Variants in AGTPBP1 observed in about 807,000 individuals in gnomAD.
The protein encoded by AGTPBP1 is cytosolic carboxypeptidase 1.
AGTPBP1 carries 70 observed loss-of-function variants against 143.9 expected under a neutral mutation model. The observed-to-expected ratio is 0.49, with a 90% CI of 0.40 to 0.59. The LOEUF (loss-of-function observed/expected upper bound fraction) is 0.59. AGTPBP1 is among the 20% of genes least tolerant of loss of function. The pLI, the probability that AGTPBP1 is intolerant of heterozygous loss-of-function variation, is 0.00. For missense variants in AGTPBP1, 1,229 were observed against 1,464.5 expected, an observed-to-expected ratio of 0.84 and a Z score of 2.62; for synonymous variants, 463 against 500.2, an observed-to-expected ratio of 0.93 and a Z score of 0.99.
At chr9:85,609,859 A>ATAC (rs1017739553) in intron 17 of AGTPBP1, among the ~76,000 whole-genome samples, 7 of 152,090 alleles carry the variant, frequency 4.6e-5, no homozygotes, top group African/African-American at 1.7e-4. Flanking sequence ...TATACTGATA[A>ATAC]TACATTAAAA....
At chr9:85,638,519 T>C (rs1564091789) in intron 13 of AGTPBP1, among the ~76,000 whole-genome samples, 2 of 152,158 alleles carry the variant, frequency 1.3e-5, no homozygotes, top group East Asian at 3.9e-4. Context: ...GAAGTAATTA[T>C]ATGTAAATGA....
chr9:85,781,223 T>C, the AGTPBP1 span: 3 of 1,517,392 alleles, frequency 2.0e-6, no homozygotes, highest in South Asian at 2.7e-5. Context: ...GAAGGCATTA[T>C]GGAAACTTTC....
upstream of AGTPBP1, among the ~76,000 whole-genome samples, chr9:85,743,607 A>T (rs1022123615): frequency 2.0e-5 from 3 of 152,148 alleles, no homozygotes; most frequent in Non-Finnish European, 2.9e-5. Context: ...TATGTTACTG[A>T]CCTCAACTAC....
upstream of AGTPBP1, chr9:85,742,147 C>G (rs1588020228): frequency 3.4e-6 from 2 of 589,952 alleles, no homozygotes; most frequent in East Asian, 7.7e-5. Flanking sequence ...GCGCGCCTGA[C>G]GGGAGGGAGC....
intron 10 of AGTPBP1, among the ~76,000 whole-genome samples, chr9:85,655,694 CA>C (rs11366562): frequency 0.65 from 96,605 of 148,560 alleles, 32,232 homozygotes; most frequent in East Asian, 0.85. Context: ...AATTAAAAAA[CA>C]AAAAAAAAAA....
chr9:85,653,209 A>G (rs1833278710), intron 11 of AGTPBP1, among the ~76,000 whole-genome samples: 1 of 146,368 alleles, frequency 6.8e-6, no homozygotes, highest in Admixed American at 6.8e-5. Context: ...GTTCGAGACC[A>G]GCCTGGGAAA....
intron 23 of AGTPBP1, among the ~76,000 whole-genome samples, chr9:85,583,390 A>C (rs1475464313): frequency 6.6e-6 from 1 of 152,146 alleles, no homozygotes; most frequent in Admixed American, 6.5e-5. Context: ...GAAATGTAAG[A>C]AGCTTACATT....
intron 3 of AGTPBP1, among the ~76,000 whole-genome samples, chr9:85,691,988 T>TC (rs371055379): frequency 1.5e-3 from 231 of 152,282 alleles, no homozygotes; most frequent in African/African-American, 4.9e-3. Context: ...GTACAGCTAT[T>TC]ATACATCTTA....
chr9:85,548,681 G>GTT (rs1466804655), intron 25 of AGTPBP1, among the ~76,000 whole-genome samples: 2 of 133,012 alleles, frequency 1.5e-5, no homozygotes. Context: ...TTTTGTTTTT[G>GTT]TTTTTGTTTT....
At chr9:85,693,589 C>T (rs1836023805) in intron 2 of AGTPBP1, among the ~76,000 whole-genome samples, 2 of 152,068 alleles carry the variant, frequency 1.3e-5, no homozygotes, top group South Asian at 4.1e-4. Flanking sequence ...CAGAGCAAGA[C>T]TTCATCTCAA....
intron 25 of AGTPBP1, among the ~76,000 whole-genome samples, chr9:85,574,330 C>T (rs928270967): frequency 6.6e-6 from 1 of 152,156 alleles, no homozygotes; most frequent in Non-Finnish European, 1.5e-5. Context: ...GACACAAACA[C>T]TGCGGAGGGC....
chr9:85,647,658 C>T (rs1412397408), intron 11 of AGTPBP1, among the ~76,000 whole-genome samples: 1 of 152,116 alleles, frequency 6.6e-6, no homozygotes, highest in Non-Finnish European at 1.5e-5. Flanking sequence ...GGGCTTGATG[C>T]TGACCACTTC....
the AGTPBP1 span, among the ~76,000 whole-genome samples, chr9:85,792,746 TCTTA>T: frequency 1.3e-5 from 2 of 151,982 alleles, no homozygotes; most frequent in East Asian, 1.9e-4. Context: ...TGTTACATAG[TCTTA>T]CTTTATCAAA....
At chr9:85,698,871 T>A (rs1370073134) in intron 2 of AGTPBP1, among the ~76,000 whole-genome samples, 1 of 151,636 alleles carries the variant, frequency 6.6e-6, no homozygotes, top group East Asian at 1.9e-4. Context: ...TTTTTTGTAT[T>A]TTTATTAAAG....
chr9:85,798,839 T>TTTA, the AGTPBP1 span, among the ~76,000 whole-genome samples: 9 of 151,842 alleles, frequency 5.9e-5, no homozygotes, highest in African/African-American at 2.2e-4. Context: ...CAGGAGGATC[T>TTTA]TTATTATTAT....
intron 2 of AGTPBP1, among the ~76,000 whole-genome samples, chr9:85,705,840 A>G (rs914152932): frequency 1.3e-5 from 2 of 151,916 alleles, no homozygotes; most frequent in African/African-American, 4.8e-5. Context: ...ACAGGTGCCC[A>G]CCACCGCACC....
At chr9:85,580,917 T>G (rs576855149) in intron 23 of AGTPBP1, among the ~76,000 whole-genome samples, 1 of 152,270 alleles carries the variant, frequency 6.6e-6, no homozygotes, top group Non-Finnish European at 1.5e-5. Flanking sequence ...TTAAAAAACA[T>G]TAAAAGACAA....
At chr9:85,582,390 A>G (rs764761136) in intron 23 of AGTPBP1, among the ~76,000 whole-genome samples, 3 of 152,122 alleles carry the variant, frequency 2.0e-5, no homozygotes, top group African/African-American at 4.8e-5. Flanking sequence ...TCAAATGACA[A>G]TTTAGGCTGG....
intron 17 of AGTPBP1, among the ~76,000 whole-genome samples, chr9:85,599,611 C>T (rs1829535101): frequency 6.6e-6 from 1 of 152,132 alleles, no homozygotes; most frequent in African/African-American, 2.4e-5. Flanking sequence ...TTGGTTAACA[C>T]GTTTTATAAG....
Sources: allele counts gnomAD v4.1 joint callset (sites outside exome capture counted in the v4.1 genomes callset), GRCh38; gene constraint gnomAD v4.1.1; transcripts MANE v1.5; gene names NCBI Gene and HGNC (gene_info 2026-07-23, HGNC 2026-07-21).